Variants in LRRIQ3 observed in about 807,000 individuals in gnomAD.
The protein encoded by LRRIQ3 is leucine rich repeats and IQ motif containing 3, also known as leucine-rich repeat and IQ domain-containing protein 3.
In LRRIQ3, 75 loss-of-function variants were observed where a neutral mutation model predicts 59.3. That is an observed-to-expected ratio of 1.26 (90% CI 1.05 to 1.53). The LOEUF is 1.53. Ranked by LOEUF, LRRIQ3 falls within the 40% of genes most tolerant of loss-of-function variation. The pLI, the probability that LRRIQ3 is intolerant of heterozygous loss-of-function variation, is 0.00. For synonymous variants in LRRIQ3, 250 were observed against 231.3 expected (o/e 1.08, Z -0.73); for missense variants, 831 against 710.0 (o/e 1.17, Z -1.94).
chr1:74,190,418 A>G (rs987936322), intron 1 of LRRIQ3, among the ~76,000 whole-genome samples: 6 of 152,092 alleles, frequency 3.9e-5, no homozygotes, highest in Non-Finnish European at 8.8e-5. Flanking sequence ...GACTGATAAA[A>G]GAATCTCTGA....
intron 6 of LRRIQ3, among the ~76,000 whole-genome samples, chr1:74,053,302 A>G (rs1228553366): frequency 6.6e-6 from 1 of 152,140 alleles, no homozygotes; most frequent in African/African-American, 2.4e-5. Flanking sequence ...AGAAAATGGA[A>G]GAAATCCTAT....
intron 5 of LRRIQ3, among the ~76,000 whole-genome samples, chr1:74,080,177 C>A (rs1340471): frequency 0.32 from 48,726 of 151,110 alleles, 8,349 homozygotes; most frequent in Middle Eastern, 0.45. Flanking sequence ...ACAAAAAAAA[C>A]CAAAACAGCA....
intron 4 of LRRIQ3, among the ~76,000 whole-genome samples, chr1:74,147,656 T>C (rs186046657): frequency 2.0e-5 from 3 of 152,330 alleles, no homozygotes; most frequent in Admixed American, 2.0e-4. Context: ...TTTTAACTGT[T>C]AGTCTGAGGG....
intron 5 of LRRIQ3, among the ~76,000 whole-genome samples, chr1:74,096,084 A>G (rs1430671281): frequency 6.6e-6 from 1 of 152,044 alleles, no homozygotes; most frequent in East Asian, 1.9e-4. Context: ...ATAAAACAGA[A>G]CTATATTTCA....
At chr1:74,101,142 T>G (rs1467382794) in intron 5 of LRRIQ3, among the ~76,000 whole-genome samples, 1 of 152,122 alleles carries the variant, frequency 6.6e-6, no homozygotes. Flanking sequence ...CAGGAGAACA[T>G]TTTTGCAATC....
Position 74,198,079 on chromosome 1 carries a change from T to A in LRRIQ3, c.-84A>T, listed in dbSNP as rs1047748710. 8.5e-7 allele frequency: 1 copy of A among 1,174,602 alleles called. No individual in the cohort carries two copies. Among genetic ancestry groups the A allele is most frequent in the Admixed American group, 2.9e-5 (1 of 33,904 alleles). 72.8% of individuals were successfully genotyped at this position (1,174,602 alleles called of 1,614,324 possible). On this transcript the variant is annotated 5_prime_UTR_variant, in exon 1 of 8. It removes an upstream start codon present in the reference 5' UTR. Coordinates refer to ENST00000354431, the MANE Select transcript of LRRIQ3 (RefSeq NM_001105659.2). ...AGTCAGACAAATCGCTGGGCGGCCA[T>A]CTGCTCCTGAGACCGTTGCTAGAGA...
intron 2 of LRRIQ3, chr1:74,183,136 A>C (rs1650107299): frequency 6.4e-6 from 2 of 314,130 alleles, no homozygotes; most frequent in Non-Finnish European, 1.2e-5. Flanking sequence ...TGACTCTTTA[A>C]ACTTTTCTAA....
chr1:74,060,356 C>T (rs980817818), intron 6 of LRRIQ3, among the ~76,000 whole-genome samples: 4 of 151,010 alleles, frequency 2.6e-5, no homozygotes, highest in African/African-American at 9.7e-5. Context: ...TTTTCTTCTT[C>T]TTCCTCCTCC....
intron 5 of LRRIQ3, among the ~76,000 whole-genome samples, chr1:74,107,101 T>C (rs1015752155): frequency 6.6e-6 from 1 of 152,018 alleles, no homozygotes; most frequent in Non-Finnish European, 1.5e-5. Context: ...CATCGTGGTA[T>C]TTCCTAAGTG....
At chr1:74,055,960 C>T (rs747242867) in intron 6 of LRRIQ3, among the ~76,000 whole-genome samples, 13 of 151,878 alleles carry the variant, frequency 8.6e-5, no homozygotes, top group Non-Finnish European at 1.8e-4. Flanking sequence ...CTGGCTAACA[C>T]GGAGAAAGCC....
intron 3 of LRRIQ3, among the ~76,000 whole-genome samples, chr1:74,167,436 T>C (rs1439533212): frequency 6.6e-6 from 1 of 151,688 alleles, no homozygotes; most frequent in Non-Finnish European, 1.5e-5. Flanking sequence ...GGTGATAGGT[T>C]CATAGGTGCA....
chr1:74,185,171 A>C (rs1038724427), intron 1 of LRRIQ3, among the ~76,000 whole-genome samples: 1 of 152,222 alleles, frequency 6.6e-6, no homozygotes, highest in Admixed American at 6.5e-5. Flanking sequence ...ATAAATACCA[A>C]GGAGTTTGTT....
At position 74,041,212 on chromosome 1, in the gene LRRIQ3, C is replaced by A; in HGVS notation, c.1718+1G>T. The stretch of plus-strand genomic sequence containing the variant: ...CTCTGTTATATCTAAATTGTACCTA[C>A]CTAACTTTTTTCATTTCTTTAAGTA... On this transcript the variant is annotated splice_donor_variant, in intron 7 of 7. Transcript: ENST00000354431. LOFTEE classifies it high-confidence loss of function. The A allele has an allele frequency of 6.4e-7, 1 of 1,561,846 alleles. No homozygotes were observed. Among genetic ancestry groups the A allele is most frequent in the Non-Finnish European group, 8.7e-7 (1 of 1,152,102 alleles).
intron 5 of LRRIQ3, among the ~76,000 whole-genome samples, chr1:74,107,527 GAAT>G (rs1250544959): frequency 3.3e-5 from 5 of 149,838 alleles, no homozygotes; most frequent in East Asian, 2.0e-4. Flanking sequence ...CAAGATAAAA[GAAT>G]AATAAGTGAA....
intron 5 of LRRIQ3, among the ~76,000 whole-genome samples, chr1:74,092,661 T>C (rs974065365): frequency 2.5e-4 from 38 of 152,154 alleles, no homozygotes; most frequent in African/African-American, 8.9e-4. Flanking sequence ...AAATCTGGGT[T>C]ATATCTAGCC....
At chr1:74,114,532 C>A (rs1231143119) in intron 4 of LRRIQ3, among the ~76,000 whole-genome samples, 2 of 151,834 alleles carry the variant, frequency 1.3e-5, no homozygotes, top group Non-Finnish European at 2.9e-5. Context: ...GTCAGGAGAT[C>A]GAGAGCATCC....
rs749244073 is a variant in LRRIQ3 at position 74,182,696 on chromosome 1, C to CT, written c.414dup (p.Gly139ArgfsTer3). ...CTGTTAACAAGAACATGTCTATATC[C>CT]TTTTTTAAGGCTTACTGGACAATCA... On this transcript the variant is annotated frameshift_variant, in exon 3 of 8. Transcript: ENST00000354431. LOFTEE classifies it high-confidence loss of function. 6.2e-7 allele frequency: 1 copy of CT among 1,612,408 alleles called. No individual in the cohort carries two copies. Among genetic ancestry groups the CT allele is most frequent in the Non-Finnish European group, 8.5e-7 (1 of 1,178,902 alleles).
At chr1:74,111,968 T>A (rs1008138703) in intron 4 of LRRIQ3, among the ~76,000 whole-genome samples, 2 of 152,096 alleles carry the variant, frequency 1.3e-5, no homozygotes, top group Non-Finnish European at 2.9e-5. Context: ...GCTTTCTTCA[T>A]CCCTCCAGCT....
intron 7 of LRRIQ3, among the ~76,000 whole-genome samples, chr1:74,032,755 A>G (rs1653755811): frequency 6.6e-6 from 1 of 152,016 alleles, no homozygotes; most frequent in Non-Finnish European, 1.5e-5. Flanking sequence ...CATCATATTC[A>G]TAGTCCTGGG....
Sources: gnomAD v4.1 joint callset for allele counts (sites outside exome capture counted in the v4.1 genomes callset) on GRCh38, gnomAD v4.1.1 for gene constraint, MANE v1.5 for transcripts, NCBI Gene and HGNC (gene_info 2026-07-23, HGNC 2026-07-21) for gene names.